Variants in PSMD1 observed in about 807,000 individuals in gnomAD.
The protein encoded by PSMD1 is proteasome 26S subunit, non-ATPase 1.
Under a neutral mutation model 119.0 loss-of-function variants are expected in PSMD1, and 18 were observed. That is an observed-to-expected ratio of 0.15 (90% CI 0.10 to 0.22). The LOEUF is 0.22. Among genes scored for constraint, PSMD1 ranks in the 10% least tolerant of loss-of-function variants. The probability of loss-of-function intolerance (pLI) is 1.00; values close to 1 mark genes in which losing one functional copy is unlikely to be tolerated. For synonymous variants in PSMD1, 374 were observed against 396.6 expected (o/e 0.94, Z 0.68); for missense variants, 702 against 1,158.5 (o/e 0.61, Z 5.72).
At chr2:231,124,169 T>C (rs1289097800) in intron 16 of PSMD1, 1 of 190,380 alleles carries the variant, frequency 5.3e-6, no homozygotes, top group Non-Finnish European at 1.1e-5. Flanking sequence ...TTTTATTCAT[T>C]TCTGAAAGTG....
At chr2:231,111,885 T>C (rs77593924) in intron 16 of PSMD1, among the ~76,000 whole-genome samples, 1 of 152,236 alleles carries the variant, frequency 6.6e-6, no homozygotes, top group Admixed American at 6.5e-5. Flanking sequence ...TTTGTTTATA[T>C]GTCCGCCTTT....
At chr2:231,075,166 G>C (rs1329197180) in intron 7 of PSMD1, among the ~76,000 whole-genome samples, 2 of 152,196 alleles carry the variant, frequency 1.3e-5, no homozygotes, top group South Asian at 2.1e-4. Flanking sequence ...TTTAAGAGTA[G>C]TTGGGGTCCC....
intron 2 of PSMD1, among the ~76,000 whole-genome samples, chr2:231,061,892 A>G (rs1693769348): frequency 6.6e-6 from 1 of 152,202 alleles, no homozygotes. Context: ...CAGTTTCATT[A>G]TCAACAGAAA....
At chr2:231,169,707 T>C (rs903865148) in intron 23 of PSMD1, among the ~76,000 whole-genome samples, 1 of 152,252 alleles carries the variant, frequency 6.6e-6, no homozygotes, top group South Asian at 2.1e-4. Context: ...TTTTTCCAGA[T>C]GTGCCCTGCC....
intron 16 of PSMD1, among the ~76,000 whole-genome samples, chr2:231,095,123 G>A (rs999049111): frequency 6.6e-6 from 1 of 152,170 alleles, no homozygotes; most frequent in Non-Finnish European, 1.5e-5. Flanking sequence ...AGTTGCCTCT[G>A]AGAAATAGCT....
chr2:231,134,032 G>T (rs890225347), intron 16 of PSMD1, among the ~76,000 whole-genome samples: 3 of 152,038 alleles, frequency 2.0e-5, no homozygotes, highest in Admixed American at 2.0e-4. Flanking sequence ...AGCTTATTTT[G>T]GTGTGCGTTT....
chr2:231,064,626 C>A lies in PSMD1; in HGVS notation c.304+1951C>A, dbSNP rs147244229. Among the ~76,000 whole-genome samples, 14 of 152,280 alleles carry A rather than the reference C, an allele frequency of 9.2e-5. No homozygotes were observed. In the East Asian group the frequency reaches 1.7e-3, roughly 19 times the overall value. ...GTGGACATTTTCAACAACTGGAATT[C>A]TTTAAGGTCTATTTTGCATTATAAC... On this transcript the variant is annotated intron_variant, in intron 4 of 24. Transcript: ENST00000308696.
intron 17 of PSMD1, among the ~76,000 whole-genome samples, chr2:231,142,879 A>G (rs1180236671): frequency 1.3e-5 from 2 of 152,154 alleles, no homozygotes. Context: ...TGCTGTGTGT[A>G]TTATCTGTTA....
Position 231,067,115 on chromosome 2 carries a change from G to A in PSMD1, c.510+4G>A. ...TGAAAAGACCATACTGGAGTCGGTAGGTAGATGATGTTATTTTAGAAATTA... is the reference window on the plus strand; with the variant it reads ...TGAAAAGACCATACTGGAGTCGGTAAGTAGATGATGTTATTTTAGAAATTA... On this transcript the variant is annotated splice_donor_region_variant and intron_variant, in intron 5 of 24. Coordinates refer to ENST00000308696, the MANE Select transcript of PSMD1 (RefSeq NM_002807.4). 1 of 1,554,116 alleles carries A rather than the reference G, an allele frequency of 6.4e-7. No individual in the cohort carries two copies. Among genetic ancestry groups the A allele is most frequent in the South Asian group, 1.2e-5 (1 of 82,520 alleles).
chr2:231,066,074 G>A (rs1693904484), intron 4 of PSMD1, among the ~76,000 whole-genome samples: 1 of 152,212 alleles, frequency 6.6e-6, no homozygotes, highest in South Asian at 2.1e-4. Flanking sequence ...TAGAGCCTAG[G>A]TATGTAGTAG....
intron 15 of PSMD1, among the ~76,000 whole-genome samples, chr2:231,085,666 C>T (rs1574717534): frequency 6.6e-6 from 1 of 151,272 alleles, no homozygotes; most frequent in Non-Finnish European, 1.5e-5. Context: ...ACCCCGGGAC[C>T]CCTAAGGAAC....
chr2:231,090,353 C>A (rs886198285), intron 16 of PSMD1, among the ~76,000 whole-genome samples: 1 of 152,194 alleles, frequency 6.6e-6, no homozygotes, highest in African/African-American at 2.4e-5. Context: ...ACCAGCCTGG[C>A]TGACATGGTG....
Position 231,061,992 on chromosome 2 carries a change from G to C in PSMD1, c.61-256G>C, listed in dbSNP as rs1574700807. Reference sequence around the variant, plus strand: ...GTCCTTCTGGTGGCTCTAGATACTTGATTCCTTTACATCTAAACCAGCAAC... The same window carrying C: ...GTCCTTCTGGTGGCTCTAGATACTTCATTCCTTTACATCTAAACCAGCAAC... On this transcript the variant is annotated intron_variant, in intron 2 of 24. Coordinates refer to ENST00000308696, the MANE Select transcript of PSMD1 (RefSeq NM_002807.4). 5.3e-5 allele frequency among the ~76,000 whole-genome samples: 8 copies of C among 152,286 alleles called. 3 individuals carry two copies. The highest frequency in any genetic ancestry group is 5.2e-4 in the Admixed American group (8 of 15,296).
intron 7 of PSMD1, among the ~76,000 whole-genome samples, chr2:231,073,721 A>AT (rs1321595316): frequency 6.6e-6 from 1 of 151,920 alleles, no homozygotes; most frequent in Non-Finnish European, 1.5e-5. Context: ...TCTTAAATTA[A>AT]TGTTCTTATA....
chr2:231,126,832 T>C (rs1484726552), intron 16 of PSMD1, among the ~76,000 whole-genome samples: 1 of 152,072 alleles, frequency 6.6e-6, no homozygotes, highest in Non-Finnish European at 1.5e-5. Context: ...CAGCTACTTA[T>C]TTGGCAATCT....
chr2:231,072,153 T>C (rs762507738), intron 6 of PSMD1, 36 bp from the exon 7 acceptor site: 11 of 1,538,446 alleles, frequency 7.2e-6, no homozygotes, highest in Non-Finnish European at 9.9e-6. Flanking sequence ...ATGAAGTTTT[T>C]AATTATTGAA....
chr2:231,143,294 A>G (rs181723483), intron 17 of PSMD1, among the ~76,000 whole-genome samples: 1 of 152,196 alleles, frequency 6.6e-6, no homozygotes, highest in African/African-American at 2.4e-5. Context: ...CAGTGGCGCT[A>G]TCTCGGCTCA....
chr2:231,057,954 A>T (rs1007339698), intron 1 of PSMD1, among the ~76,000 whole-genome samples: 9 of 152,254 alleles, frequency 5.9e-5, no homozygotes, highest in Admixed American at 5.9e-4. Flanking sequence ...TTTATTGTAA[A>T]CAAACTGGTG....
chr2:231,123,789 C>G, intron 16 of PSMD1: 1 of 1,536,736 alleles, frequency 6.5e-7, no homozygotes, highest in Non-Finnish European at 9.0e-7. Flanking sequence ...TGATTCAATC[C>G]CGTTCCGAAC....
Sources: gnomAD v4.1 joint callset for allele counts (sites outside exome capture counted in the v4.1 genomes callset) on GRCh38, gnomAD v4.1.1 for gene constraint, MANE v1.5 for transcripts, NCBI Gene and HGNC (gene_info 2026-07-23, HGNC 2026-07-21) for gene names.